CLPB: variants seen among roughly 807,000 people sequenced by gnomAD.
CLPB encodes the protein mitochondrial disaggregase.
Under a neutral mutation model 78.4 loss-of-function variants are expected in CLPB, and 40 were observed. The observed-to-expected ratio is 0.51, with a 90% CI of 0.40 to 0.66. CLPB has a LOEUF of 0.66. Among genes scored for constraint, CLPB ranks in the 30% least tolerant of loss-of-function variants. The pLI is 0.00. For synonymous variants in CLPB, 333 were observed against 348.0 expected, an observed-to-expected ratio of 0.96 and a Z score of 0.48; for missense variants, 780 against 886.9, an observed-to-expected ratio of 0.88 and a Z score of 1.53.
rs185484430 is a variant in CLPB, at chr11:72,392,248, C to A, written c.542+10718G>T. 1.8e-4 allele frequency among the ~76,000 whole-genome samples: 28 copies of A among 152,106 alleles called. No individual in the cohort carries two copies. In the East Asian group the frequency reaches 5.2e-3, roughly 28 times the overall value. ...TCACTGTGATGAGTGTCACGGGTCC[C>A]AAGGAGAAGACAAAGAGTGACCTCT... On this transcript the variant is annotated intron_variant, in intron 3 of 15. Coordinates refer to ENST00000538039, the MANE Select transcript of CLPB (RefSeq NM_001258392.3).
At chr11:72,377,664 G>A (rs1029867754) in intron 4 of CLPB, among the ~76,000 whole-genome samples, 2 of 150,532 alleles carry the variant, frequency 1.3e-5, no homozygotes, top group Non-Finnish European at 3.0e-5. Flanking sequence ...GGAAGGGAAG[G>A]GGAAGGGAAG....
At chr11:72,351,878 A>ATT (rs1258422847) in intron 5 of CLPB, among the ~76,000 whole-genome samples, 1 of 151,376 alleles carries the variant, frequency 6.6e-6, no homozygotes, top group African/African-American at 2.4e-5. Flanking sequence ...GCCTCCCCTC[A>ATT]TTTTTTTTTA....
chr11:72,312,396 C>T lies in CLPB; in HGVS notation c.989-3792G>A, dbSNP rs550210954. Among the ~76,000 whole-genome samples, 12 of 152,222 alleles carry T rather than the reference C, an allele frequency of 7.9e-5. No homozygotes were observed. In the East Asian group the frequency reaches 1.4e-3, roughly 17 times the overall value. On this transcript the variant is annotated intron_variant, in intron 7 of 15. Transcript: ENST00000538039. This position sits in a 1 kb window ranked among gnomAD's most constrained non-coding sequence, Gnocchi z 4.2. ...TACACAGGATACCGAGGCTCAGAGA[C>T]GGGCAGTGTAAGGTGTTTCATCTAC...
intron 2 of CLPB, among the ~76,000 whole-genome samples, chr11:72,417,778 A>C (rs1014959835): frequency 1.4e-4 from 22 of 152,110 alleles, no homozygotes; most frequent in Non-Finnish European, 2.9e-4. Flanking sequence ...TGGAGACAAA[A>C]GTGCCTGAGA....
At chr11:72,384,061 G>A (rs1220630372) in intron 3 of CLPB, among the ~76,000 whole-genome samples, 5 of 152,186 alleles carry the variant, frequency 3.3e-5, no homozygotes, top group Non-Finnish European at 7.4e-5. Flanking sequence ...GGCTGAGGTA[G>A]GAAAATCACT....
chr11:72,294,737 A>G (rs1949519645), intron 12 of CLPB, 44 bp from the exon 13 acceptor site: 1 of 1,532,906 alleles, frequency 6.5e-7, no homozygotes, highest in African/African-American at 1.4e-5. Context: ...ACATTCAGGG[A>G]ACTTTGGGGG....
intron 3 of CLPB, among the ~76,000 whole-genome samples, chr11:72,395,439 T>C (rs1345083588): frequency 1.3e-5 from 2 of 152,194 alleles, no homozygotes; most frequent in African/African-American, 4.8e-5. Context: ...CTTCAAATCC[T>C]GGCTCCTTCT....
chr11:72,311,056 G>C (rs1393144911), intron 7 of CLPB: 3 of 152,192 alleles, frequency 2.0e-5, no homozygotes, highest in Non-Finnish European at 4.4e-5. Flanking sequence ...GGTCCCCTGT[G>C]AAACAGGTGA....
At chr11:72,420,238 C>T (rs531112872) in intron 2 of CLPB, among the ~76,000 whole-genome samples, 3 of 152,258 alleles carry the variant, frequency 2.0e-5, no homozygotes, top group Non-Finnish European at 2.9e-5. Context: ...TGGTGGCTCA[C>T]GCCTGTAATC....
chr11:72,317,304 A>G (rs1484188525), intron 6 of CLPB, 84 bp from the exon 7 acceptor site: 13 of 1,052,778 alleles, frequency 1.2e-5, no homozygotes, highest in Non-Finnish European at 1.8e-5. Flanking sequence ...CGGGGAAAAC[A>G]CAGGTCTGGG....
intron 9 of CLPB, among the ~76,000 whole-genome samples, chr11:72,305,068 A>T (rs973077890): frequency 6.6e-6 from 1 of 152,220 alleles, no homozygotes; most frequent in Non-Finnish European, 1.5e-5. Flanking sequence ...CCTATGATTT[A>T]AAAATAAAAT....
intron 4 of CLPB, among the ~76,000 whole-genome samples, chr11:72,370,766 A>C (rs761156640): frequency 9.9e-5 from 15 of 152,170 alleles, no homozygotes; most frequent in Non-Finnish European, 1.5e-4. Flanking sequence ...AGTAAGTATC[A>C]ATCAATATTA....
At chr11:72,320,430 G>A (rs558224248) in intron 6 of CLPB, among the ~76,000 whole-genome samples, 5 of 152,278 alleles carry the variant, frequency 3.3e-5, no homozygotes, top group South Asian at 2.1e-4. Context: ...GAGTTATACC[G>A]TGAACTGGTT....
chr11:72,397,421 T>C (rs1855440036), intron 3 of CLPB, among the ~76,000 whole-genome samples: 3 of 152,272 alleles, frequency 2.0e-5, no homozygotes, highest in Non-Finnish European at 2.9e-5. Context: ...GTATGGTAAA[T>C]GTATACTTTA....
chr11:72,395,373 C>T (rs1487948900), intron 3 of CLPB, among the ~76,000 whole-genome samples: 1 of 152,294 alleles, frequency 6.6e-6, no homozygotes, highest in South Asian at 2.1e-4. Flanking sequence ...CCCTTCCCTC[C>T]ATAGGCAGTG....
At chr11:72,331,505 T>C (rs1176522354) in intron 5 of CLPB, among the ~76,000 whole-genome samples, 1 of 150,842 alleles carries the variant, frequency 6.6e-6, no homozygotes, top group Non-Finnish European at 1.5e-5. Context: ...CCTCCCAAAC[T>C]GCTGGGATTA....
intron 5 of CLPB, among the ~76,000 whole-genome samples, chr11:72,344,574 C>T (rs1372939800): frequency 2.0e-5 from 3 of 152,058 alleles, no homozygotes; most frequent in Non-Finnish European, 2.9e-5. Flanking sequence ...CTTTGCAGTT[C>T]ATTCTTCTTT....
intron 10 of CLPB, 64 bp downstream of exon 10, chr11:72,302,240 A>AC: frequency 6.6e-7 from 1 of 1,522,836 alleles, no homozygotes; most frequent in Non-Finnish European, 9.1e-7. Flanking sequence ...AAATGACAAG[A>AC]CCCCGGCAGT....
chr11:72,414,061 C>T (rs1157250088), intron 2 of CLPB, among the ~76,000 whole-genome samples: 2 of 152,130 alleles, frequency 1.3e-5, no homozygotes, highest in African/African-American at 4.8e-5. Flanking sequence ...CAGAGTGTGC[C>T]AGAAAGGATG....
Sources: allele counts gnomAD v4.1 joint callset (sites outside exome capture counted in the v4.1 genomes callset), GRCh38; gene constraint gnomAD v4.1.1; non-coding constraint Gnocchi (gnomAD v3.1); transcripts MANE v1.5; gene names NCBI Gene and HGNC (gene_info 2026-07-23, HGNC 2026-07-21).